The following LIMS1 variants were observed in gnomAD, a reference collection of about 807,000 sequenced individuals.
The protein encoded by LIMS1 is LIM zinc finger domain containing 1, also known as LIM and senescent cell antigen-like-containing domain protein 1.
A neutral mutation model predicts 44.1 loss-of-function variants in LIMS1; 18 were observed. That is an observed-to-expected ratio of 0.41 (90% CI 0.28 to 0.61). The LOEUF (loss-of-function observed/expected upper bound fraction) is 0.61, where lower values mean the gene tolerates loss of function less well. LIMS1 is among the 20% of genes least tolerant of loss of function. The probability of loss-of-function intolerance (pLI) is 0.32; values close to 1 mark genes in which losing one functional copy is unlikely to be tolerated. For synonymous variants in LIMS1, 93 were observed against 149.1 expected (o/e 0.62, Z 2.74); for missense variants, 201 against 422.0 (o/e 0.48, Z 4.59).
At chr2:108,607,036 G>A (rs1687307496) in intron 1 of LIMS1, 1 of 593,738 alleles carries the variant, frequency 1.7e-6, no homozygotes, top group Admixed American at 3.1e-5. Flanking sequence ...TAACCCCAAA[G>A]TAAGAGTATT....
intron 1 of LIMS1, among the ~76,000 whole-genome samples, chr2:108,651,383 G>C (rs1246242711): frequency 6.6e-6 from 1 of 152,260 alleles, no homozygotes; most frequent in Non-Finnish European, 1.5e-5. Context: ...CAGAACGTCA[G>C]CTTCTCTTTT....
chr2:108,611,846 TATATATATACACAC>T (rs1042751708), intron 1 of LIMS1, among the ~76,000 whole-genome samples: 1 of 142,304 alleles, frequency 7.0e-6, no homozygotes, highest in Non-Finnish European at 1.5e-5. Context: ...AATATATATA[TATATATATACACAC>T]ATATATATAC....
At position 108,550,563 on chromosome 2, in the gene LIMS1, C is replaced by T. The variant is rs10084253; in HGVS notation, c.32+15969C>T. ...AGGCACGGTGGCTCACGCCTGTAAT[C>T]CCAGCACTTTGGGAGGCTGAGGCAG... is the stretch of plus-strand genomic sequence containing the variant. On this transcript the variant is annotated intron_variant, in intron 1 of 9. Coordinates refer to ENST00000544547, the Ensembl canonical transcript of LIMS1. Among the ~76,000 whole-genome samples, 634 of 151,806 alleles carry T rather than the reference C, an allele frequency of 4.2e-3. 6 individuals carry two copies. Among genetic ancestry groups the T allele is most frequent in the African/African-American group, 0.014 (596 of 41,382 alleles).
chr2:108,543,757 A>G (rs1684391838), intron 1 of LIMS1, among the ~76,000 whole-genome samples: 1 of 152,228 alleles, frequency 6.6e-6, no homozygotes, highest in Non-Finnish European at 1.5e-5. Context: ...TAGAAGGTAT[A>G]TAAGCTCTGG....
intron 1 of LIMS1, among the ~76,000 whole-genome samples, chr2:108,580,862 T>TA: frequency 6.6e-6 from 1 of 152,320 alleles, no homozygotes; most frequent in East Asian, 1.9e-4. Flanking sequence ...TTGGAGTATC[T>TA]AAGCAGACCA....
At chr2:108,588,631 A>G (rs1686218114) in intron 1 of LIMS1, 1 of 982,912 alleles carries the variant, frequency 1.0e-6, no homozygotes. Context: ...AACACAGGGT[A>G]TTGTTGTATT....
At chr2:108,615,349 C>T (rs1344684123) in intron 1 of LIMS1, among the ~76,000 whole-genome samples, 3 of 152,124 alleles carry the variant, frequency 2.0e-5, no homozygotes, top group African/African-American at 7.2e-5. Context: ...GAGATACCCT[C>T]TATTTTGCCC....
At chr2:108,581,770 G>A (rs2718720) in intron 1 of LIMS1, among the ~76,000 whole-genome samples, 2 of 151,888 alleles carry the variant, frequency 1.3e-5, no homozygotes, top group Non-Finnish European at 2.9e-5. Flanking sequence ...AAACCCCATC[G>A]CTACTAAAAA....
chr2:108,611,854 T>TATATATATATATATATATAC (rs771325535), intron 1 of LIMS1, among the ~76,000 whole-genome samples: 7 of 125,250 alleles, frequency 5.6e-5, no homozygotes, highest in African/African-American at 1.9e-4. Context: ...TATATATATA[T>TATATATATATATATATATAC]ACACACATAT....
chr2:108,591,461 A>T (rs574966466), intron 1 of LIMS1, among the ~76,000 whole-genome samples: 262 of 151,532 alleles, frequency 1.7e-3, no homozygotes, highest in Non-Finnish European at 2.1e-3. Flanking sequence ...AACTTTTTTT[A>T]AAAAAAAATT....
intron 1 of LIMS1, among the ~76,000 whole-genome samples, chr2:108,613,273 T>C (rs897442784): frequency 1.3e-5 from 2 of 152,202 alleles, no homozygotes; most frequent in African/African-American, 4.8e-5. Flanking sequence ...CTTTTTTCTT[T>C]TGTAAACTCG....
chr2:108,588,454 G>C, intron 1 of LIMS1: 5 of 985,558 alleles, frequency 5.1e-6, no homozygotes, highest in Non-Finnish European at 6.0e-6. Context: ...GGAGCCAGGA[G>C]GGAGGTTCTT....
chr2:108,626,238 C>G (rs1688568097), intron 1 of LIMS1, among the ~76,000 whole-genome samples: 1 of 152,138 alleles, frequency 6.6e-6, no homozygotes, highest in South Asian at 2.1e-4. Flanking sequence ...GAAATGTAGT[C>G]TGTTAGACAA....
exon 10 of LIMS1, chr2:108,685,896 A>G (rs1158698710): frequency 6.6e-6 from 1 of 152,152 alleles, no homozygotes; most frequent in East Asian, 1.9e-4. Flanking sequence ...AAAAACAAGC[A>G]TTTACATATA....
At chr2:108,548,083 T>C (rs1441354607) in intron 1 of LIMS1, among the ~76,000 whole-genome samples, 1 of 152,212 alleles carries the variant, frequency 6.6e-6, no homozygotes, top group Non-Finnish European at 1.5e-5. Flanking sequence ...TGGAAAGCTG[T>C]GTTCGCACTT....
intron 1 of LIMS1, among the ~76,000 whole-genome samples, chr2:108,574,271 A>G (rs562825622): frequency 6.6e-6 from 1 of 152,326 alleles, no homozygotes; most frequent in South Asian, 2.1e-4. Flanking sequence ...TTCAAAAAAG[A>G]AGAGATTAAA....
intron 2 of LIMS1, among the ~76,000 whole-genome samples, chr2:108,670,229 GGTCCCAGT>G (rs1692074667): frequency 3.3e-5 from 5 of 152,156 alleles, no homozygotes; most frequent in Admixed American, 2.0e-4. Context: ...TAACGCCTGT[GGTCCCAGT>G]GCTTTGAGAG....
chr2:108,667,301 G>A (rs1355834364), intron 2 of LIMS1, among the ~76,000 whole-genome samples: 2 of 152,064 alleles, frequency 1.3e-5, no homozygotes, highest in Non-Finnish European at 2.9e-5. Flanking sequence ...GGTATGCCAT[G>A]AGCTAGAACA....
intron 1 of LIMS1, among the ~76,000 whole-genome samples, chr2:108,632,949 T>C (rs1689013245): frequency 6.6e-6 from 1 of 152,228 alleles, no homozygotes; most frequent in Non-Finnish European, 1.5e-5. Flanking sequence ...TGAGCCATTA[T>C]GATATTGTTC....
Sources: gnomAD v4.1 joint callset for allele counts (sites outside exome capture counted in the v4.1 genomes callset) on GRCh38, gnomAD v4.1.1 for gene constraint, MANE v1.5 for transcripts, NCBI Gene and HGNC (gene_info 2026-07-23, HGNC 2026-07-21) for gene names.